The following ANGPT1 variants were observed in gnomAD, a reference collection of about 807,000 sequenced individuals.
The protein encoded by ANGPT1 is angiopoietin 1, also known as angiopoietin-1.
ANGPT1 carries 17 observed loss-of-function variants against 62.2 expected under a neutral mutation model. The observed-to-expected ratio is 0.27, with a 90% CI of 0.19 to 0.41. The LOEUF (loss-of-function observed/expected upper bound fraction) is 0.41. Ranked by LOEUF, ANGPT1 falls within the 10% of genes least tolerant of loss-of-function variation. The pLI is 1.00. For missense variants in ANGPT1, 478 were observed against 594.9 expected, an observed-to-expected ratio of 0.80 and a Z score of 2.04; for synonymous variants, 199 against 198.9, an observed-to-expected ratio of 1.00 and a Z score of 0.00.
At position 107,370,407 on chromosome 8, in the gene ANGPT1, A is replaced by AGAAAGAAAGAAAG. The variant is rs149930759; in HGVS notation, c.298-23311_298-23310insCTTTCTTTCTTTC. On this transcript the variant is annotated intron_variant, in intron 1 of 8. Transcript: ENST00000517746. Reference sequence around the variant, plus strand: ...AAGAAAGAAAGAAAGAAAGAAAGAAAGAGTCAGGGTCAGTGGCTCAGGCCT... The same window carrying AGAAAGAAAGAAAG: ...AAGAAAGAAAGAAAGAAAGAAAGAAAGAAAGAAAGAAAGGAGTCAGGGTCAGTGGCTCAGGCCT... 4.2e-5 allele frequency among the ~76,000 whole-genome samples: 3 copies of AGAAAGAAAGAAAG among 71,970 alleles called. 1 individual carries two copies. Among genetic ancestry groups the AGAAAGAAAGAAAG allele is most frequent in the Non-Finnish European group, 6.1e-5 (2 of 32,964 alleles). The allele number at this position is 71,970 out of a possible 152,430, so 47.2% of individuals were successfully genotyped here. A position where few individuals can be genotyped will look rare whatever the true frequency, so the allele number is the denominator to read the frequency against.
At chr8:107,370,971 TAA>T (rs34820719) in intron 1 of ANGPT1, among the ~76,000 whole-genome samples, 216 of 146,766 alleles carry the variant, frequency 1.5e-3, no homozygotes, top group Admixed American at 1.8e-3. Context: ...TTGATTTGTT[TAA>T]AAAAAAAAAA....
At chr8:107,477,335 T>C (rs929794327) in intron 1 of ANGPT1, among the ~76,000 whole-genome samples, 1 of 152,148 alleles carries the variant, frequency 6.6e-6, no homozygotes, top group African/African-American at 2.4e-5. Flanking sequence ...AAATAAATCA[T>C]GATATTGTAA....
intron 1 of ANGPT1, among the ~76,000 whole-genome samples, chr8:107,459,461 C>G (rs948121917): frequency 1.5e-4 from 22 of 151,206 alleles, no homozygotes; most frequent in Non-Finnish European, 2.8e-4. Flanking sequence ...TGCACTCCAG[C>G]CTGGGCAAGT....
intron 1 of ANGPT1, among the ~76,000 whole-genome samples, chr8:107,492,818 T>C (rs1812999503): frequency 6.6e-6 from 1 of 150,652 alleles, no homozygotes; most frequent in Admixed American, 6.7e-5. Context: ...AGTTCTCATG[T>C]GCACATATTA....
intron 8 of ANGPT1, among the ~76,000 whole-genome samples, chr8:107,254,286 T>C (rs1363379640): frequency 6.6e-6 from 1 of 152,136 alleles, no homozygotes; most frequent in Admixed American, 6.5e-5. Context: ...ATCCATTCAA[T>C]ATATAATTAT....
At chr8:107,283,531 T>TA (rs1051080669) in intron 7 of ANGPT1, among the ~76,000 whole-genome samples, 2,010 of 147,114 alleles carry the variant, frequency 0.014, 32 homozygotes, top group African/African-American at 0.047. Flanking sequence ...TTTAAAAAAT[T>TA]AAAAAAAAAA....
At chr8:107,373,863 C>T (rs1035751381) in intron 1 of ANGPT1, among the ~76,000 whole-genome samples, 1 of 152,092 alleles carries the variant, frequency 6.6e-6, no homozygotes, top group Non-Finnish European at 1.5e-5. Context: ...TTTTAAATGA[C>T]CTCTCATTAT....
chr8:107,389,548 A>G (rs1253911282), intron 1 of ANGPT1, among the ~76,000 whole-genome samples: 3 of 152,074 alleles, frequency 2.0e-5, no homozygotes, highest in African/African-American at 4.8e-5. Context: ...TCCATTGCAC[A>G]TGTTCCACTG....
chr8:107,334,042 G>GAAGGAAGA (rs1406070383), intron 3 of ANGPT1, among the ~76,000 whole-genome samples: 1 of 149,338 alleles, frequency 6.7e-6, no homozygotes, highest in East Asian at 2.0e-4. Context: ...AGGAAGGATG[G>GAAGGAAGA]ATAAATATGA....
chr8:107,338,889 C>T (rs927797937), intron 2 of ANGPT1, among the ~76,000 whole-genome samples: 1 of 152,192 alleles, frequency 6.6e-6, no homozygotes, highest in African/African-American at 2.4e-5. Context: ...AGAGACAACA[C>T]TCAATATTTG....
At chr8:107,289,722 G>A (rs1814228850) in intron 6 of ANGPT1, among the ~76,000 whole-genome samples, 1 of 152,122 alleles carries the variant, frequency 6.6e-6, no homozygotes, top group Non-Finnish European at 1.5e-5. Context: ...AAGGAATGGT[G>A]CTCACACTGA....
chr8:107,400,038 T>A (rs1817014439), intron 1 of ANGPT1, among the ~76,000 whole-genome samples: 1 of 152,146 alleles, frequency 6.6e-6, no homozygotes, highest in Non-Finnish European at 1.5e-5. Context: ...AGAGTGGGAC[T>A]TTTTCTTAAC....
chr8:107,419,461 C>A (rs571471544), intron 1 of ANGPT1, among the ~76,000 whole-genome samples: 59 of 152,216 alleles, frequency 3.9e-4, no homozygotes, highest in African/African-American at 1.4e-3. Flanking sequence ...TTAGATCATA[C>A]CCTTTTGTCC....
chr8:107,282,432 GTGTGTA>G (rs1052138130), intron 7 of ANGPT1, among the ~76,000 whole-genome samples: 7 of 22,130 alleles, frequency 3.2e-4, no homozygotes, highest in African/African-American at 1.2e-3. Flanking sequence ...GTATATATAT[GTGTGTA>G]TGTGTGTGTG....
At chr8:107,363,031 T>C (rs1816197800) in intron 1 of ANGPT1, among the ~76,000 whole-genome samples, 1 of 151,924 alleles carries the variant, frequency 6.6e-6, no homozygotes, top group Admixed American at 6.6e-5. Context: ...TGAAGAGCTA[T>C]TTTTAACATG....
At chr8:107,268,742 A>G (rs1813672341) in intron 7 of ANGPT1, among the ~76,000 whole-genome samples, 1 of 152,124 alleles carries the variant, frequency 6.6e-6, no homozygotes, top group South Asian at 2.1e-4. Context: ...TGTGAACATA[A>G]TTCCTTAAGG....
intron 3 of ANGPT1, among the ~76,000 whole-genome samples, chr8:107,333,996 G>GGGAAGGAAGGAAGGAAGCAA (rs1815494851): frequency 7.1e-5 from 5 of 70,478 alleles, no homozygotes; most frequent in Non-Finnish European, 1.2e-4. Flanking sequence ...GAGGGAGGGA[G>GGGAAGGAAGGAAGGAAGCAA]GGAAGGAAGG....
At chr8:107,273,551 T>C (rs1813789685) in intron 7 of ANGPT1, among the ~76,000 whole-genome samples, 1 of 152,014 alleles carries the variant, frequency 6.6e-6, no homozygotes, top group South Asian at 2.1e-4. Flanking sequence ...CTCTAAATAC[T>C]TGCTGTCCTC....
intron 1 of ANGPT1, among the ~76,000 whole-genome samples, chr8:107,456,267 T>G (rs1811914574): frequency 6.6e-6 from 1 of 152,054 alleles, no homozygotes; most frequent in African/African-American, 2.4e-5. Context: ...TGAGCAAAGC[T>G]GAGATGTTTG....
Sources: allele counts gnomAD v4.1 joint callset (sites outside exome capture counted in the v4.1 genomes callset), GRCh38; gene constraint gnomAD v4.1.1; transcripts MANE v1.5; gene names NCBI Gene and HGNC (gene_info 2026-07-23, HGNC 2026-07-21).